IPO11: variants seen among roughly 807,000 people sequenced by gnomAD.
IPO11 encodes the protein importin 11, also known as importin-11.
In IPO11, 66 loss-of-function variants were observed where a neutral mutation model predicts 143.2. The observed-to-expected ratio is 0.46, with a 90% CI of 0.38 to 0.57. The LOEUF is 0.57. Among genes scored for constraint, IPO11 ranks in the 20% least tolerant of loss-of-function variants. The pLI is 0.00. For synonymous variants in IPO11, 385 were observed against 377.8 expected (o/e 1.02, Z -0.22); for missense variants, 1,026 against 1,141.0 (o/e 0.90, Z 1.45).
intron 27 of IPO11, among the ~76,000 whole-genome samples, chr5:62,569,503 C>T (rs1744066151): frequency 6.6e-6 from 1 of 152,166 alleles, no homozygotes; most frequent in African/African-American, 2.4e-5. Flanking sequence ...TGAGTAGTTG[C>T]TCTTATTGTT....
chr5:62,535,860 A>G (rs1010221735), intron 22 of IPO11, among the ~76,000 whole-genome samples: 1 of 152,112 alleles, frequency 6.6e-6, no homozygotes, highest in African/African-American at 2.4e-5. Flanking sequence ...AAAGAATGGC[A>G]GGTTTTAGGC....
intron 3 of IPO11, among the ~76,000 whole-genome samples, chr5:62,445,761 G>A (rs1744698033): frequency 6.6e-6 from 1 of 152,096 alleles, no homozygotes; most frequent in African/African-American, 2.4e-5. Context: ...TGTTCAGTAG[G>A]TTAGATATAT....
At chr5:62,453,845 C>G (rs2112165857) in intron 5 of IPO11, among the ~76,000 whole-genome samples, 2 of 152,204 alleles carry the variant, frequency 1.3e-5, no homozygotes, top group East Asian at 3.9e-4. Flanking sequence ...GTTTAAATAG[C>G]CAGTCTTGGC....
rs189484581 is a variant in IPO11, at chr5:62,479,615, T to G, written c.828+2862T>G. 3.2e-4 allele frequency among the ~76,000 whole-genome samples: 48 copies of G among 152,354 alleles called. No individual in the cohort carries two copies. In the Middle Eastern group the frequency reaches 0.01, roughly 32 times the overall value. ...CCAGCACCTGTTGTTTCCTGACTTT[T>G]TAATGGTCGCCATTCTAACTGGTGT... On this transcript the variant is annotated intron_variant, in intron 9 of 29. Transcript: ENST00000325324.
chr5:62,514,809 A>G (rs1287561519), intron 19 of IPO11, among the ~76,000 whole-genome samples: 1 of 152,244 alleles, frequency 6.6e-6, no homozygotes, highest in Non-Finnish European at 1.5e-5. Flanking sequence ...TAAAATGTAA[A>G]ATCTGATTAA....
chr5:62,519,073 G>A (rs1742123252), intron 20 of IPO11, among the ~76,000 whole-genome samples: 1 of 152,158 alleles, frequency 6.6e-6, no homozygotes, highest in Non-Finnish European at 1.5e-5. Context: ...AAGGCCTCCT[G>A]ACAGAGGTGT....
chr5:62,479,646 G>A (rs1746108900), intron 9 of IPO11, among the ~76,000 whole-genome samples: 1 of 152,144 alleles, frequency 6.6e-6, no homozygotes, highest in South Asian at 2.1e-4. Flanking sequence ...GGTGTGAGAT[G>A]GTATCTCATT....
At chr5:62,602,701 C>T (rs751693045) in intron 29 of IPO11, among the ~76,000 whole-genome samples, 1 of 152,226 alleles carries the variant, frequency 6.6e-6, no homozygotes, top group Non-Finnish European at 1.5e-5. Flanking sequence ...TAACATTGCA[C>T]TGCTCTGAGA....
intron 24 of IPO11, among the ~76,000 whole-genome samples, chr5:62,546,394 A>G (rs776091434): frequency 3.7e-4 from 57 of 152,192 alleles, no homozygotes; most frequent in Non-Finnish European, 6.5e-4. Flanking sequence ...TGGAAATTGA[A>G]CAATGAGAAT....
Position 62,561,145 on chromosome 5 carries a change from C to G in IPO11, c.2470C>G (p.Leu824Val). 6.2e-7 allele frequency: 1 copy of G among 1,604,484 alleles called. No homozygotes were observed. The highest frequency in any genetic ancestry group is 8.5e-7 in the Non-Finnish European group (1 of 1,175,890). Reference sequence around the variant, plus strand: ...CCTCCTCTTGTTTCAGATGGACCAGCTTTTGGGAAATATGATTGAAATGTG... The same window carrying G: ...CCTCCTCTTGTTTCAGATGGACCAGGTTTTGGGAAATATGATTGAAATGTG... ...AHKFNQEMDQ[L>V]LGNMIEMWVD... The change falls in exon 27 of 30, where the codon CTT becomes GTT. Residue 824 changes from leucine (L) to valine (V), a missense_variant. Leu to Val is a conservative substitution (Grantham distance 32). Transcript: ENST00000325324.
At chr5:62,480,884 G>A (rs6886876) in intron 9 of IPO11, among the ~76,000 whole-genome samples, 2,440 of 150,794 alleles carry the variant, frequency 0.016, 59 homozygotes, top group African/African-American at 0.057. Context: ...CTGCAAACAG[G>A]GACAATTTGA....
chr5:62,534,689 G>A (rs972258749), intron 22 of IPO11, among the ~76,000 whole-genome samples: 6 of 152,098 alleles, frequency 3.9e-5, no homozygotes, highest in African/African-American at 1.4e-4. Flanking sequence ...GTAATTCTTT[G>A]TTGTGAGGGA....
intron 22 of IPO11, among the ~76,000 whole-genome samples, chr5:62,533,881 C>T (rs965551026): frequency 2.0e-5 from 3 of 151,262 alleles, no homozygotes; most frequent in Admixed American, 6.6e-5. Flanking sequence ...ATCAAGGCTG[C>T]AGTGGCTGCA....
chr5:62,588,387 G>C (rs1744883538), intron 27 of IPO11, among the ~76,000 whole-genome samples: 2 of 151,886 alleles, frequency 1.3e-5, no homozygotes, highest in South Asian at 4.2e-4. Context: ...GTGCACCACT[G>C]CCCCCAGCTA....
chr5:62,590,487 C>T (rs1003353054), intron 27 of IPO11, among the ~76,000 whole-genome samples: 1 of 152,094 alleles, frequency 6.6e-6, no homozygotes, highest in Non-Finnish European at 1.5e-5. Context: ...GCAAGAATGA[C>T]TTTAAATATT....
chr5:62,555,476 C>CTAATTAAT (rs1236574523), intron 26 of IPO11, among the ~76,000 whole-genome samples: 2 of 121,198 alleles, frequency 1.7e-5, no homozygotes, highest in African/African-American at 7.0e-5. Context: ...CCACACCTGG[C>CTAATTAAT]TAATTATTTA....
intron 15 of IPO11, among the ~76,000 whole-genome samples, chr5:62,493,079 G>C (rs996634653): frequency 3.3e-5 from 5 of 152,162 alleles, no homozygotes; most frequent in African/African-American, 1.2e-4. Context: ...GATGATGAGA[G>C]AAAGAAAGAA....
At chr5:62,574,110 C>A (rs1744234153) in intron 27 of IPO11, among the ~76,000 whole-genome samples, 1 of 152,206 alleles carries the variant, frequency 6.6e-6, no homozygotes, top group African/African-American at 2.4e-5. Flanking sequence ...ACTCCCAAAT[C>A]TGTGCTTTTA....
intron 5 of IPO11, among the ~76,000 whole-genome samples, chr5:62,464,330 A>G (rs1260579757): frequency 2.7e-5 from 4 of 149,806 alleles, no homozygotes; most frequent in Non-Finnish European, 5.9e-5. Flanking sequence ...TAGTAGAGAC[A>G]GTGTTTCACG....
Sources: gnomAD v4.1 joint callset for allele counts (sites outside exome capture counted in the v4.1 genomes callset) on GRCh38, gnomAD v4.1.1 for gene constraint, MANE v1.5 for transcripts, NCBI Gene and HGNC (gene_info 2026-07-23, HGNC 2026-07-21) for gene names.